AFF3: variants seen among roughly 807,000 people sequenced by gnomAD.
AFF3 encodes the protein ALF transcription elongation factor 3.
Under a neutral mutation model 129.7 loss-of-function variants are expected in AFF3, and 32 were observed. The ratio of observed to expected loss-of-function variants is 0.25; its 90% CI spans 0.19 to 0.33. The LOEUF is 0.33. Ranked by LOEUF, AFF3 falls within the 10% of genes least tolerant of loss-of-function variation. The probability of loss-of-function intolerance (pLI) is 1.00; values close to 1 mark genes in which losing one functional copy is unlikely to be tolerated. For synonymous variants in AFF3, 644 were observed against 635.4 expected, an observed-to-expected ratio of 1.01 and a Z score of -0.20; for missense variants, 1,373 against 1,592.0, an observed-to-expected ratio of 0.86 and a Z score of 2.34.
At chr2:100,125,131 A>G (rs1000885287) in intron 2 of AFF3, among the ~76,000 whole-genome samples, 1 of 152,160 alleles carries the variant, frequency 6.6e-6, no homozygotes, top group African/African-American at 2.4e-5. Context: ...AAAGTGGGAA[A>G]TAAAGAGACA....
At chr2:100,105,871 C>CCAAA in intron 2 of AFF3, 1 of 1,334,168 alleles carries the variant, frequency 7.5e-7, no homozygotes, top group African/African-American at 1.5e-5. Context: ...ACCACGCGAA[C>CCAAA]CAAACCTCGC....
chr2:99,999,056 G>A (rs1277936096), intron 7 of AFF3, among the ~76,000 whole-genome samples: 1 of 151,958 alleles, frequency 6.6e-6, no homozygotes, highest in Non-Finnish European at 1.5e-5. Flanking sequence ...CAGCACACCC[G>A]CACACACTAC....
intron 8 of AFF3, among the ~76,000 whole-genome samples, chr2:99,824,499 C>A (rs1687925678): frequency 6.6e-6 from 1 of 152,130 alleles, no homozygotes; most frequent in Non-Finnish European, 1.5e-5. Context: ...AAAATAAAAA[C>A]TTACTAACCA....
intron 7 of AFF3, among the ~76,000 whole-genome samples, chr2:99,923,271 G>A (rs79919877): frequency 0.012 from 1,833 of 152,228 alleles, 41 homozygotes; most frequent in African/African-American, 0.042. Flanking sequence ...AAGTTCAATG[G>A]CTCCTTAGAG....
chr2:99,887,868 G>C (rs1693237227), intron 7 of AFF3, among the ~76,000 whole-genome samples: 1 of 152,136 alleles, frequency 6.6e-6, no homozygotes, highest in African/African-American at 2.4e-5. Flanking sequence ...GTAGGTAATT[G>C]CTCCAGATCA....
intron 3 of AFF3, chr2:100,104,814 G>A: frequency 1.2e-5 from 8 of 675,554 alleles, no homozygotes; most frequent in Non-Finnish European, 1.4e-5. Flanking sequence ...CGCCGCCGCC[G>A]CCGCCGCCGC....
chr2:99,811,161 AG>A (rs1333080735), intron 8 of AFF3, among the ~76,000 whole-genome samples: 1 of 152,196 alleles, frequency 6.6e-6, no homozygotes, highest in African/African-American at 2.4e-5. Context: ...TTATCTATTG[AG>A]AGCAATGAAA....
At chr2:99,609,877 T>C (rs1452862125) in intron 13 of AFF3, among the ~76,000 whole-genome samples, 1 of 152,188 alleles carries the variant, frequency 6.6e-6, no homozygotes, top group Non-Finnish European at 1.5e-5. Flanking sequence ...CCTGCATGTA[T>C]ACATCTAGAT....
intron 4 of AFF3, among the ~76,000 whole-genome samples, chr2:100,075,782 T>C (rs1255465287): frequency 6.6e-6 from 1 of 152,174 alleles, no homozygotes; most frequent in East Asian, 1.9e-4. Flanking sequence ...AAACACAGAA[T>C]ATTATATTTC....
At chr2:100,007,483 A>T in intron 5 of AFF3, 23 bp from the exon 6 acceptor site, 3 of 1,594,988 alleles carry the variant, frequency 1.9e-6, no homozygotes, top group Non-Finnish European at 2.6e-6. Context: ...AAACACATCC[A>T]CGCTATTGTT....
At chr2:99,963,909 T>C (rs568419200) in intron 7 of AFF3, among the ~76,000 whole-genome samples, 24 of 152,050 alleles carry the variant, frequency 1.6e-4, no homozygotes, top group East Asian at 5.8e-4. Context: ...CATATGTAGA[T>C]TGAAAATAAA....
At chr2:99,975,560 A>T (rs1045067275) in intron 7 of AFF3, among the ~76,000 whole-genome samples, 1 of 152,156 alleles carries the variant, frequency 6.6e-6, no homozygotes, top group Admixed American at 6.5e-5. Context: ...ATTGTTTAGA[A>T]AATCTGGATC....
At chr2:100,036,971 C>A (rs993376022) in intron 4 of AFF3, among the ~76,000 whole-genome samples, 10 of 152,064 alleles carry the variant, frequency 6.6e-5, no homozygotes, top group Non-Finnish European at 5.9e-5. Flanking sequence ...AGGTCTCATG[C>A]GCTCCTGGTG....
chr2:99,943,590 T>A (rs1186731495), intron 7 of AFF3, among the ~76,000 whole-genome samples: 1 of 152,208 alleles, frequency 6.6e-6, no homozygotes, highest in Non-Finnish European at 1.5e-5. Flanking sequence ...AACTATGACT[T>A]TATCAAGTGA....
chr2:99,626,484 T>TTC (rs1682588690), intron 13 of AFF3, among the ~76,000 whole-genome samples: 1 of 59,720 alleles, frequency 1.7e-5, no homozygotes, highest in Non-Finnish European at 4.4e-5. Flanking sequence ...TCCCTCTCCT[T>TTC]CTCTTCCCCT....
intron 1 of AFF3, among the ~76,000 whole-genome samples, chr2:100,140,541 C>A (rs1172392206): frequency 1.3e-5 from 2 of 152,166 alleles, no homozygotes; most frequent in Admixed American, 6.5e-5. Flanking sequence ...AGGCTACCTA[C>A]CAATCTCTCC....
At chr2:100,122,935 G>T (rs1386003307) in intron 2 of AFF3, among the ~76,000 whole-genome samples, 1 of 152,090 alleles carries the variant, frequency 6.6e-6, no homozygotes, top group Non-Finnish European at 1.5e-5. Flanking sequence ...GGAAAGTGTG[G>T]GAAACACTGA....
At chr2:99,941,346 T>G (rs530077937) in intron 7 of AFF3, among the ~76,000 whole-genome samples, 1 of 152,294 alleles carries the variant, frequency 6.6e-6, no homozygotes, top group South Asian at 2.1e-4. Flanking sequence ...AAAGAAAAAT[T>G]GAACAGCCTC....
chr2:99,787,054 G>A (rs919137131), intron 8 of AFF3, among the ~76,000 whole-genome samples: 23 of 152,004 alleles, frequency 1.5e-4, no homozygotes, highest in African/African-American at 5.3e-4. Context: ...GTATTAAATG[G>A]GCAAAAATGC....
Sources: gnomAD v4.1 joint callset for allele counts (sites outside exome capture counted in the v4.1 genomes callset) on GRCh38, gnomAD v4.1.1 for gene constraint, MANE v1.5 for transcripts, NCBI Gene and HGNC (gene_info 2026-07-23, HGNC 2026-07-21) for gene names.